COL5A1: variants seen among roughly 807,000 people sequenced by gnomAD.
COL5A1 encodes the protein collagen alpha-1(V) chain.
In COL5A1, 16 loss-of-function variants were observed where a neutral mutation model predicts 263.7. The ratio of observed to expected loss-of-function variants is 0.06; its 90% confidence interval spans 0.04 to 0.09. The LOEUF is 0.09. Ranked by LOEUF, COL5A1 falls within the 10% of genes least tolerant of loss-of-function variation. The pLI is 1.00. For missense variants in COL5A1, 2,036 were observed against 2,540.5 expected, an observed-to-expected ratio of 0.80 and a Z score of 4.27; for synonymous variants, 1,012 against 1,004.5, an observed-to-expected ratio of 1.01 and a Z score of -0.14.
rs1832833803 is a variant in COL5A1 at position 134,680,896 on chromosome 9, G to T, written c.110-10016G>T. Among the ~76,000 whole-genome samples the T allele has an allele frequency of 2.0e-5, 3 of 152,198 alleles. No homozygotes were observed. The highest frequency in any genetic ancestry group is 2.0e-4 in the Admixed American group (3 of 15,282). ...GGCAGTGAGCGCAGGGACAGGCTGG[G>T]AGTTTGGGCTCAGGTCTCCAGGTCT... is the stretch of plus-strand genomic sequence containing the variant. On this transcript the variant is annotated intron_variant, in intron 1 of 65. Coordinates refer to ENST00000371817, the MANE Select transcript of COL5A1 (RefSeq NM_000093.5). The surrounding 1 kb of genome is among the most constrained non-coding windows in gnomAD (Gnocchi z 5.9).
intron 32 of COL5A1, among the ~76,000 whole-genome samples, chr9:134,793,201 A>G (rs1277380536): frequency 6.6e-6 from 1 of 151,626 alleles, no homozygotes; most frequent in African/African-American, 2.4e-5. Context: ...CGCTCTTCAG[A>G]TGCACCTGCC....
intron 1 of COL5A1, among the ~76,000 whole-genome samples, chr9:134,661,937 G>A (rs544546197): frequency 1.6e-4 from 24 of 152,216 alleles, no homozygotes; most frequent in Middle Eastern, 3.4e-3. Context: ...AACTGGACAC[G>A]GATGCCAGTG....
Position 134,641,871 on chromosome 9 carries a change from C to A in COL5A1, c.-317C>A. On this transcript the variant is annotated 5_prime_UTR_variant, in exon 1 of 66. Coordinates refer to ENST00000371817, the MANE Select transcript of COL5A1 (RefSeq NM_000093.5). ...AGCGGAGCGCCCACGGGGAGCGGGT[C>A]GCGGGGCGGCGGCGGCGAGGAGGAG... 2 of 389,702 alleles carry A rather than the reference C, an allele frequency of 5.1e-6. No individual in the cohort carries two copies. Among genetic ancestry groups the A allele is most frequent in the South Asian group, 1.4e-4 (1 of 7,376 alleles). 24.1% of individuals were successfully genotyped at this position (389,702 alleles called of 1,614,324 possible).
chr9:134,780,727 G>C (rs1837220378), intron 28 of COL5A1, among the ~76,000 whole-genome samples: 1 of 152,226 alleles, frequency 6.6e-6, no homozygotes, highest in African/African-American at 2.4e-5. Flanking sequence ...TCAGAAGCTT[G>C]GGTGCAGCCT....
rs750236513 is a variant in COL5A1, at chr9:134,806,344, G to C, written c.3366+48G>C. 4 of 1,377,032 alleles carry C rather than the reference G, an allele frequency of 2.9e-6. No individual in the cohort carries two copies. In the East Asian group the frequency reaches 7.5e-5, roughly 26 times the overall value. The allele number at this position is 1,377,032 out of a possible 1,614,324, so 85.3% of individuals were successfully genotyped here. A position where few individuals can be genotyped will look rare whatever the true frequency, so the allele number is the denominator to read the frequency against. On this transcript the variant is annotated intron_variant, in intron 42 of 65. Transcript: ENST00000371817. ...GGAGCCCTTCCCTCAGAGATGCTGG[G>C]GTCGTTCCGTGTCTGGCCTTGTCCC...
At chr9:134,820,581 AC>A (rs1314544954) in intron 58 of COL5A1, among the ~76,000 whole-genome samples, 2 of 152,186 alleles carry the variant, frequency 1.3e-5, no homozygotes, top group African/African-American at 4.8e-5. Context: ...ACTGGTGACA[AC>A]CAGCCGTGTT....
At chr9:134,697,209 T>A (rs976260383) in intron 2 of COL5A1, among the ~76,000 whole-genome samples, 1 of 152,118 alleles carries the variant, frequency 6.6e-6, no homozygotes, top group Non-Finnish European at 1.5e-5. Context: ...GATTATAAAG[T>A]ATCAGCGTCC....
At chr9:134,822,725 C>A (rs1195778716) in intron 59 of COL5A1, among the ~76,000 whole-genome samples, 5 of 150,216 alleles carry the variant, frequency 3.3e-5, no homozygotes, top group Admixed American at 2.0e-4. Context: ...GCTGCGCCCC[C>A]CCCGCGGCTG....
In COL5A1 at chr9:134,824,517, GC is replaced by G. The variant is rs1839170723; in HGVS notation, c.4699-79del. On this transcript the variant is annotated intron_variant, in intron 61 of 65. Coordinates refer to ENST00000371817, the MANE Select transcript of COL5A1 (RefSeq NM_000093.5). ...GCCCCAGGGAACCCCTGCAGATGTGGCCCCAGCTGTCCCTGCTCTGCTCATA... is the reference window on the plus strand; with the variant it reads ...GCCCCAGGGAACCCCTGCAGATGTGGCCCAGCTGTCCCTGCTCTGCTCATA... The G allele has an allele frequency of 6.4e-6, 10 of 1,572,512 alleles. No homozygotes were observed. The South Asian group carries it at 1.0e-4, about 16-fold the overall frequency.
intron 64 of COL5A1, among the ~76,000 whole-genome samples, chr9:134,832,146 C>A (rs1022425256): frequency 6.6e-6 from 1 of 152,008 alleles, no homozygotes; most frequent in Admixed American, 6.6e-5. Flanking sequence ...TGGCTCACAC[C>A]TGTAATCCCA....
chr9:134,700,687 C>A lies in COL5A1; in HGVS notation c.492-484C>A, dbSNP rs146561942. Among the ~76,000 whole-genome samples the A allele has an allele frequency of 4.1e-3, 625 of 152,362 alleles. 2 individuals carry two copies. The highest frequency in any genetic ancestry group is 6.8e-3 in the Non-Finnish European group (462 of 68,040). On this transcript the variant is annotated intron_variant, in intron 3 of 65. Transcript: ENST00000371817. The surrounding 1 kb of genome is among the most constrained non-coding windows in gnomAD (Gnocchi z 4.0). ...TTTCAGACAGATCCACTCCTTCCACCATTTCCCGTCCACACCCGGTCTTCT... is the reference window on the plus strand; with the variant it reads ...TTTCAGACAGATCCACTCCTTCCACAATTTCCCGTCCACACCCGGTCTTCT...
chr9:134,731,739 C>G, intron 8 of COL5A1, 76 bp downstream of exon 8: 1 of 1,506,274 alleles, frequency 6.6e-7, no homozygotes, highest in South Asian at 1.3e-5. Context: ...TGCCCAAGAG[C>G]CTCCTCAGGG....
At chr9:134,724,544 C>G (rs1051545236) in intron 4 of COL5A1, among the ~76,000 whole-genome samples, 1 of 152,256 alleles carries the variant, frequency 6.6e-6, no homozygotes, top group East Asian at 1.9e-4. Flanking sequence ...GTCTCAGTGC[C>G]TGTCTTGCTG....
In COL5A1 at chr9:134,786,084, C is replaced by T. The variant is rs371145221; in HGVS notation, c.2646+36C>T. ...GCCGTGTTAGGTGTCCCGGGACAGG[C>T]GGAGGGATGTTCTGCCCGGTCTCCC... On this transcript the variant is annotated intron_variant, in intron 31 of 65. Transcript: ENST00000371817. 73 of 1,571,420 alleles carry T rather than the reference C, an allele frequency of 4.6e-5. No homozygotes were observed. In the East Asian group the frequency reaches 9.1e-4, roughly 20 times the overall value.
At chr9:134,737,554 G>A (rs1273579134) in intron 9 of COL5A1, among the ~76,000 whole-genome samples, 1 of 152,238 alleles carries the variant, frequency 6.6e-6, no homozygotes, top group Non-Finnish European at 1.5e-5. Context: ...GTCCCTTGAG[G>A]AACAGTCGCC....
In COL5A1 at chr9:134,794,669, G is replaced by C. The variant is rs1837830076; in HGVS notation, c.2701-413G>C. ...TAGCAAAAGTAAATTATGTATGAAA[G>C]GGGTTGACTTTCTTCTCTTTTCTTG... is the stretch of plus-strand genomic sequence containing the variant. On this transcript the variant is annotated intron_variant, in intron 32 of 65. Transcript: ENST00000371817. The surrounding 1 kb of genome is among the most constrained non-coding windows in gnomAD (Gnocchi z 4.3). 6.6e-6 allele frequency among the ~76,000 whole-genome samples: 1 copy of C among 152,192 alleles called. No homozygotes were observed. Among genetic ancestry groups the C allele is most frequent in the Non-Finnish European group, 1.5e-5 (1 of 68,038 alleles).
chr9:134,768,350 C>T (rs372543904), intron 24 of COL5A1, 60 bp from the exon 25 acceptor site: 50 of 1,450,432 alleles, frequency 3.4e-5, no homozygotes, highest in East Asian at 4.5e-5. Context: ...TGGTGGCCGA[C>T]GGAGAGGTCA....
intron 2 of COL5A1, among the ~76,000 whole-genome samples, chr9:134,697,799 C>T (rs1391942685): frequency 1.3e-5 from 2 of 152,216 alleles, no homozygotes; most frequent in African/African-American, 4.8e-5. Flanking sequence ...GCCCACATCC[C>T]CTCATGTGGA....
At chr9:134,740,479 C>A (rs887391755) in intron 11 of COL5A1, among the ~76,000 whole-genome samples, 1 of 152,230 alleles carries the variant, frequency 6.6e-6, no homozygotes, top group Non-Finnish European at 1.5e-5. Flanking sequence ...GAGCTGTTTT[C>A]TCTCCCAGAT....
Sources: gnomAD v4.1 joint callset for allele counts (sites outside exome capture counted in the v4.1 genomes callset) on GRCh38, gnomAD v4.1.1 for gene constraint, Gnocchi (gnomAD v3.1) non-coding constraint, MANE v1.5 for transcripts, NCBI Gene and HGNC (gene_info 2026-07-23, HGNC 2026-07-21) for gene names.